Variants in ATP7A observed in about 807,000 individuals in gnomAD.
ATP7A encodes copper-transporting ATPase 1.
In ATP7A, 7 loss-of-function variants were observed where a neutral mutation model predicts 83.5. The ratio of observed to expected loss-of-function variants is 0.08; its 90% CI spans 0.05 to 0.16. The LOEUF (loss-of-function observed/expected upper bound fraction) is 0.16, where lower values mean the gene tolerates loss of function less well. Ranked by LOEUF, ATP7A falls within the 10% of genes least tolerant of loss-of-function variation. The pLI is 1.00. For synonymous variants in ATP7A, 354 were observed against 395.2 expected, an observed-to-expected ratio of 0.90 and a Z score of 1.24; for missense variants, 940 against 1,120.8, an observed-to-expected ratio of 0.84 and a Z score of 2.30.
At chrX:77,949,731 A>AT (rs1557226610) in intron 1 of ATP7A, among the ~76,000 whole-genome samples, 4 of 111,700 alleles carry the variant, frequency 3.6e-5, no homozygotes, top group African/African-American at 1.3e-4. Flanking sequence ...GTTAAGATAA[A>AT]TTTTTGCAGG....
chrX:78,027,257 T>C (rs1490703541), intron 14 of ATP7A, among the ~76,000 whole-genome samples: 1 of 111,529 alleles, frequency 9.0e-6, no homozygotes, highest in Non-Finnish European at 1.9e-5. Flanking sequence ...TTCAGTAAAG[T>C]TTCAGGGTAT....
At chrX:77,913,485 A>G (rs1210960076) in intron 1 of ATP7A, among the ~76,000 whole-genome samples, 1 of 111,848 alleles carries the variant, frequency 8.9e-6, no homozygotes, top group Non-Finnish European at 1.9e-5. Context: ...CATCCCAGCA[A>G]TCATGTTTTT....
At chrX:77,999,669 C>T (rs1462105197) in intron 5 of ATP7A, among the ~76,000 whole-genome samples, 2 of 111,073 alleles carry the variant, frequency 1.8e-5, no homozygotes, top group African/African-American at 6.6e-5. Flanking sequence ...TTTGGGAGGC[C>T]GAGGTGGGCG....
chrX:78,014,639 A>G, intron 10 of ATP7A, 23 bp from the exon 11 acceptor site: 1 of 1,152,875 alleles, frequency 8.7e-7, no homozygotes, highest in Non-Finnish European at 1.2e-6. Flanking sequence ...TAGCATTTTC[A>G]ATGTGTTTGT....
At position 78,003,165 on chromosome X, in the gene ATP7A, A is replaced by G; in HGVS notation, c.1636A>G (p.Ile546Val). 5 of 1,210,097 alleles carry G rather than the reference A, an allele frequency of 4.1e-6. No individual in the cohort carries two copies. The highest frequency in any genetic ancestry group is 3.5e-5 in the South Asian group (2 of 56,943). ...ACAACCCCCAATGATAGCAGAGTTC[A>G]TCCGAGAACTTGGATTTGGAGCCAC... ...VIQPPMIAEFIRELGFGATVI... is the reference protein window; with the variant it reads ...VIQPPMIAEFVRELGFGATVI... Residue 546 changes from isoleucine to valine, a missense_variant, in exon 6 of 23, where the codon ATC becomes GTC. Ile to Val is a conservative substitution (Grantham distance 29). Around this residue, in one of 3 missense-constraint regions of ATP7A, gnomAD observed 350 missense variants for 432.8 expected, o/e 0.81. Coordinates refer to ENST00000341514, the MANE Select transcript of ATP7A (RefSeq NM_000052.7).
chrX:77,925,155 T>C (rs2077234917), intron 1 of ATP7A, among the ~76,000 whole-genome samples: 1 of 112,084 alleles, frequency 8.9e-6, no homozygotes, highest in African/African-American at 3.2e-5. Flanking sequence ...AAGAATGTTA[T>C]GAAAAGTCTA....
intron 19 of ATP7A, among the ~76,000 whole-genome samples, 188 bp from the exon 20 acceptor site, chrX:78,042,397 T>C (rs1171258247): frequency 9.0e-6 from 1 of 111,526 alleles, no homozygotes; most frequent in Non-Finnish European, 1.9e-5. Context: ...CAAAAAGAGT[T>C]ACAATTTACA....
In ATP7A at chrX:78,011,685, T is replaced by G; in HGVS notation, c.2172+11T>G. On this transcript the variant is annotated intron_variant, in intron 9 of 22. Transcript: ENST00000341514. Reference sequence around the variant, plus strand: ...TGTGTACCTGTACAGGCAAGTGAATTGTTAGCAAATATATTTGTTAATAAT... The same window carrying G: ...TGTGTACCTGTACAGGCAAGTGAATGGTTAGCAAATATATTTGTTAATAAT... The G allele has an allele frequency of 8.3e-7, 1 of 1,197,961 alleles. No individual in the cohort carries two copies. Among genetic ancestry groups the G allele is most frequent in the Non-Finnish European group, 1.1e-6 (1 of 883,149 alleles).
At chrX:77,963,473 C>G (rs2077485527) in intron 1 of ATP7A, 1 of 112,313 alleles carries the variant, frequency 8.9e-6, no homozygotes, top group African/African-American at 3.2e-5. Context: ...ATAATTGTTT[C>G]TCTAAAAATG....
intron 7 of ATP7A, 174 bp downstream of exon 7, chrX:78,009,437 G>C: frequency 3.5e-6 from 2 of 564,057 alleles, no homozygotes. Flanking sequence ...TTTTTTTTTG[G>C]TCTTTTTCAG....
intron 5 of ATP7A, among the ~76,000 whole-genome samples, chrX:78,001,751 A>G (rs973817199): frequency 2.3e-4 from 25 of 110,496 alleles, no homozygotes; most frequent in African/African-American, 6.9e-4. Context: ...AAGAACTTCT[A>G]TTTTTGCTAT....
intron 2 of ATP7A, among the ~76,000 whole-genome samples, chrX:77,978,102 T>G (rs782367322): frequency 1.8e-5 from 2 of 111,299 alleles, no homozygotes; most frequent in Non-Finnish European, 3.8e-5. Context: ...AAAAAAAAAT[T>G]TAACCACAAC....
intron 1 of ATP7A, among the ~76,000 whole-genome samples, chrX:77,959,980 G>A (rs868995400): frequency 8.9e-6 from 1 of 112,219 alleles, no homozygotes; most frequent in Non-Finnish European, 1.9e-5. Context: ...TATCCTCACC[G>A]ACACTTGGTA....
rs1408080309 is a variant in ATP7A, at chrX:78,050,309, C to T, written c.*3739C>T. 6 of 112,264 alleles carry T rather than the reference C, an allele frequency of 5.3e-5. No homozygotes were observed. Among genetic ancestry groups the T allele is most frequent in the African/African-American group, 1.6e-4 (5 of 30,962 alleles). 9.3% of individuals were successfully genotyped at this position (112,264 alleles called of 1,213,427 possible). A position where few individuals can be genotyped will look rare whatever the true frequency, so the allele number is the denominator to read the frequency against. ...ATCCATCTACTGTAGTTAAGATATT[C>T]AGTAGTTTGTTTTTCATAAGCATGT... On this transcript the variant is annotated 3_prime_UTR_variant, in exon 23 of 23. Transcript: ENST00000341514.
intron 13 of ATP7A, 101 bp downstream of exon 13, chrX:78,020,499 G>A: frequency 1.0e-6 from 1 of 996,831 alleles, no homozygotes; most frequent in South Asian, 2.0e-5. Flanking sequence ...AATTTTAGTT[G>A]CATTAATATG....
At chrX:77,914,225 T>G (rs1446924913) in intron 1 of ATP7A, among the ~76,000 whole-genome samples, 2 of 110,386 alleles carry the variant, frequency 1.8e-5, no homozygotes, top group Non-Finnish European at 3.8e-5. Context: ...CCTAGCTACT[T>G]ATTTATTAAT....
At chrX:77,958,787 T>G (rs1231539270) in intron 1 of ATP7A, among the ~76,000 whole-genome samples, 2 of 94,018 alleles carry the variant, frequency 2.1e-5, no homozygotes, top group African/African-American at 8.0e-5. Flanking sequence ...GTTTTATAGT[T>G]TTTTTTTTTT....
intron 1 of ATP7A, among the ~76,000 whole-genome samples, chrX:77,960,328 G>C (rs1416602523): frequency 8.9e-6 from 1 of 112,569 alleles, no homozygotes; most frequent in Non-Finnish European, 1.9e-5. Flanking sequence ...GTTGCAGTGA[G>C]CTGAGACTGC....
chrX:77,966,164 A>G (rs2149069714), intron 1 of ATP7A, among the ~76,000 whole-genome samples: 1 of 112,467 alleles, frequency 8.9e-6, no homozygotes, highest in African/African-American at 3.2e-5. Flanking sequence ...ACTACATCTC[A>G]AGAATGTTTT....
Sources: allele counts gnomAD v4.1 joint callset (sites outside exome capture counted in the v4.1 genomes callset), GRCh38; gene constraint gnomAD v4.1.1; regional missense constraint gnomAD v4.1.1; transcripts MANE v1.5; gene names NCBI Gene and HGNC (gene_info 2026-07-23, HGNC 2026-07-21).